GRPEL2: variants seen among roughly 807,000 people sequenced by gnomAD.
GRPEL2 encodes the protein grpE protein homolog 2, mitochondrial.
GRPEL2 carries 18 observed loss-of-function variants against 25.9 expected under a neutral mutation model. The ratio of observed to expected loss-of-function variants is 0.70; its 90% CI spans 0.48 to 1.03. The LOEUF is 1.03. GRPEL2 is among the 50% of genes least tolerant of loss of function. The pLI is 0.00. For synonymous variants in GRPEL2, 106 were observed against 107.9 expected (o/e 0.98, Z 0.11); for missense variants, 247 against 276.2 (o/e 0.89, Z 0.75).
In GRPEL2 at chr5:149,354,278, A is replaced by G. The variant is rs538064719; in HGVS notation, c.*2996A>G. Reference sequence around the variant, plus strand: ...TATAGTGAAAAGACATTGACTTGAGATGATACTAAGGAAGCTTTGGCTCAC... The same window carrying G: ...TATAGTGAAAAGACATTGACTTGAGGTGATACTAAGGAAGCTTTGGCTCAC... On this transcript the variant is annotated 3_prime_UTR_variant, in exon 4 of 4. Transcript: ENST00000329271. 9.2e-5 allele frequency: 14 copies of G among 152,302 alleles called. No individual in the cohort carries two copies. The highest frequency in any genetic ancestry group is 3.4e-4 in the African/African-American group (14 of 41,554). 9.4% of individuals were successfully genotyped at this position (152,302 alleles called of 1,614,324 possible). A position where few individuals can be genotyped will look rare whatever the true frequency, so the allele number is the denominator to read the frequency against.
chr5:149,349,152 T>C (rs1220457421), intron 2 of GRPEL2, among the ~76,000 whole-genome samples: 1 of 152,162 alleles, frequency 6.6e-6, no homozygotes, highest in Non-Finnish European at 1.5e-5. Context: ...CCTGACACCA[T>C]GCCAGGCTGA....
chr5:149,354,122 A>C lies in GRPEL2; in HGVS notation c.*2840A>C, dbSNP rs965614168. ...GATGAGTAGAAAAAACTTGTAAGCT[A>C]ATCATTCACTGACTTATTTTCCTTC... On this transcript the variant is annotated 3_prime_UTR_variant, in exon 4 of 4. Coordinates refer to ENST00000329271, the MANE Select transcript of GRPEL2 (RefSeq NM_152407.4). 6.6e-6 allele frequency: 1 copy of C among 152,228 alleles called. No homozygotes were observed. Among genetic ancestry groups the C allele is most frequent in the South Asian group, 2.1e-4 (1 of 4,830 alleles). The allele number at this position is 152,228 out of a possible 1,614,324, so 9.4% of individuals were successfully genotyped here. A position where few individuals can be genotyped will look rare whatever the true frequency, so the allele number is the denominator to read the frequency against.
In GRPEL2 at chr5:149,352,738, C is replaced by T. The variant is rs559591418; in HGVS notation, c.*1456C>T. On this transcript the variant is annotated 3_prime_UTR_variant, in exon 4 of 4. Coordinates refer to ENST00000329271, the MANE Select transcript of GRPEL2 (RefSeq NM_152407.4). ...AGAGGCCTTAATGATCAAATCTCAC[C>T]CTTTCTGCTTCTGAAGTATGAAAAT... 1 of 152,144 alleles carries T rather than the reference C, an allele frequency of 6.6e-6. No homozygotes were observed. The highest frequency in any genetic ancestry group is 2.1e-4 in the South Asian group (1 of 4,808). 9.4% of individuals were successfully genotyped at this position (152,144 alleles called of 1,614,324 possible). A position where few individuals can be genotyped will look rare whatever the true frequency, so the allele number is the denominator to read the frequency against.
At chr5:149,347,992 C>T (rs1425754429) in intron 1 of GRPEL2, 4 of 273,058 alleles carry the variant, frequency 1.5e-5, no homozygotes, top group African/African-American at 8.8e-5. Context: ...TGATCTTGAG[C>T]AGGCCATTAT....
chr5:149,346,168 A>G (rs1311053019), intron 1 of GRPEL2, among the ~76,000 whole-genome samples: 2 of 152,240 alleles, frequency 1.3e-5, no homozygotes, highest in Non-Finnish European at 2.9e-5. Flanking sequence ...TTAGTAGTTA[A>G]GGAAAGTGAG....
At chr5:149,348,551 C>T in intron 2 of GRPEL2, 126 bp downstream of exon 2, 1 of 701,380 alleles carries the variant, frequency 1.4e-6, no homozygotes, top group Admixed American at 3.3e-5. Context: ...CCCCTCATCC[C>T]TCCTCCACTC....
At position 149,353,960 on chromosome 5, in the gene GRPEL2, G is replaced by A. The variant is rs547800593; in HGVS notation, c.*2678G>A. On this transcript the variant is annotated 3_prime_UTR_variant, in exon 4 of 4. Transcript: ENST00000329271. ...TATAATAATTCTTTCACAGCGTTGT[G>A]AGGATTAAGTGAAATGTGTTAAATG... 3 of 152,314 alleles carry A rather than the reference G, an allele frequency of 2.0e-5. No homozygotes were observed. In the South Asian group the frequency reaches 6.2e-4, roughly 32 times the overall value. The allele number at this position is 152,314 out of a possible 1,614,324, so 9.4% of individuals were successfully genotyped here.
chr5:149,348,200 T>G, intron 1 of GRPEL2, 72 bp from the exon 2 acceptor site: 1 of 1,345,270 alleles, frequency 7.4e-7, no homozygotes, highest in Non-Finnish European at 1.0e-6. Flanking sequence ...AGATCTCTGG[T>G]CTCTAAACTT....
chr5:149,345,648 G>A (rs1158393673), intron 1 of GRPEL2, 32 bp downstream of exon 1: 3 of 1,545,960 alleles, frequency 1.9e-6, no homozygotes, highest in Non-Finnish European at 2.6e-6. Context: ...TCGGGAGCGT[G>A]AGGACTCTGA....
rs1430954358 is a variant in GRPEL2, at chr5:149,346,938, C to T, written c.77+1322C>T. Among the ~76,000 whole-genome samples, 4 of 151,704 alleles carry T rather than the reference C, an allele frequency of 2.6e-5. No homozygotes were observed. The East Asian group carries it at 7.8e-4, about 29-fold the overall frequency. On this transcript the variant is annotated intron_variant, in intron 1 of 3. Coordinates refer to ENST00000329271, the MANE Select transcript of GRPEL2 (RefSeq NM_152407.4). Reference sequence around the variant, plus strand: ...ATTTTTAGTAGAGACGGGGTTTCACCGTGGTCTCGATCTCCTGACCTCGTG... The same window carrying T: ...ATTTTTAGTAGAGACGGGGTTTCACTGTGGTCTCGATCTCCTGACCTCGTG...
chr5:149,351,547 A>T lies in GRPEL2; in HGVS notation c.*265A>T. The T allele has an allele frequency of 3.1e-6, 1 of 326,010 alleles. No individual in the cohort carries two copies. Among genetic ancestry groups the T allele is most frequent in the Non-Finnish European group, 5.7e-6 (1 of 176,288 alleles). The allele number at this position is 326,010 out of a possible 1,614,324, so 20.2% of individuals were successfully genotyped here. Reference sequence around the variant, plus strand: ...TGTTTAGGAAAATTGGTACTGTGATAAATTTGAATCCAAAATCCTTTTAAC... The same window carrying T: ...TGTTTAGGAAAATTGGTACTGTGATTAATTTGAATCCAAAATCCTTTTAAC... On this transcript the variant is annotated 3_prime_UTR_variant, in exon 4 of 4. Coordinates refer to ENST00000329271, the MANE Select transcript of GRPEL2 (RefSeq NM_152407.4).
Position 149,351,096 on chromosome 5 carries a change from G to A in GRPEL2, c.492G>A (p.Glu164=). ...LKSVFAKHGL[E]KLTPIGDKYD... is the part of the protein sequence containing the mutation. The stretch of plus-strand genomic sequence containing the variant: ...GTGTGTTTGCCAAGCATGGCCTGGA[G>A]AAACTGACACCCATTGGTGACAAAT... Residue 164 remains glutamate, a synonymous_variant, in exon 4 of 4, where the codon GAG becomes GAA. Transcript: ENST00000329271. The A allele has an allele frequency of 6.2e-7, 1 of 1,614,208 alleles. No homozygotes were observed. Among genetic ancestry groups the A allele is most frequent in the South Asian group, 1.1e-5 (1 of 91,092 alleles).
chr5:149,345,575 G>C lies in GRPEL2; in HGVS notation c.36G>C (p.Arg12=). The C allele has an allele frequency of 1.2e-6, 2 of 1,612,168 alleles. No homozygotes were observed. Among genetic ancestry groups the C allele is most frequent in the Non-Finnish European group, 1.7e-6 (2 of 1,179,386 alleles). Residue 12 remains arginine (R), a synonymous_variant, in exon 1 of 4, where the codon CGG becomes CGC. Coordinates refer to ENST00000329271, the MANE Select transcript of GRPEL2 (RefSeq NM_152407.4). ...AVRSLWAGRL[R]VQRLLAWSAA... is the part of the protein sequence containing the mutation. ...GGTCGCTGTGGGCGGGCCGGCTGCG[G>C]GTGCAGCGCCTACTGGCCTGGAGTG...
chr5:149,345,549 C>A lies in GRPEL2; in HGVS notation c.10C>A (p.Arg4=), dbSNP rs773154773. ...AGCCCAAATTGGAAACATGGCCGTA[C>A]GGTCGCTGTGGGCGGGCCGGCTGCG... is the stretch of plus-strand genomic sequence containing the variant. MAV[R]SLWAGRLRVQ... The change falls in exon 1 of 4, where the codon CGG becomes AGG. Residue 4 remains arginine (R), a synonymous_variant. Coordinates refer to ENST00000329271, the MANE Select transcript of GRPEL2 (RefSeq NM_152407.4). 2.5e-6 allele frequency: 4 copies of A among 1,611,424 alleles called. No individual in the cohort carries two copies. In the South Asian group the frequency reaches 3.3e-5, roughly 13 times the overall value.
intron 3 of GRPEL2, 61 bp from the exon 4 acceptor site, chr5:149,350,857 T>C: frequency 6.4e-7 from 1 of 1,572,738 alleles, no homozygotes; most frequent in Non-Finnish European, 8.6e-7. Context: ...TTACCCAAAC[T>C]CTATGCCCAC....
chr5:149,347,789 C>T (rs1340025577), intron 1 of GRPEL2, among the ~76,000 whole-genome samples: 4 of 152,144 alleles, frequency 2.6e-5, no homozygotes, highest in Non-Finnish European at 4.4e-5. Flanking sequence ...CTTTACTGGA[C>T]TTAATTTCCC....
In GRPEL2 at chr5:149,351,495, G is replaced by C. The variant is rs1757775472; in HGVS notation, c.*213G>C. 1 of 497,686 alleles carries C rather than the reference G, an allele frequency of 2.0e-6. No homozygotes were observed. The highest frequency in any genetic ancestry group is 1.9e-5 in the African/African-American group (1 of 52,292). The allele number at this position is 497,686 out of a possible 1,614,324, so 30.8% of individuals were successfully genotyped here. ...CATTGGGCATTTGAACAGTGTGACAGGTGTTCCAATGGCCTTTATCAAAAC... is the reference window on the plus strand; with the variant it reads ...CATTGGGCATTTGAACAGTGTGACACGTGTTCCAATGGCCTTTATCAAAAC... On this transcript the variant is annotated 3_prime_UTR_variant, in exon 4 of 4. Transcript: ENST00000329271.
chr5:149,351,589 CAT>C lies in GRPEL2; in HGVS notation c.*308_*309del. 4.1e-6 allele frequency: 1 copy of C among 242,144 alleles called. No homozygotes were observed. The allele number at this position is 242,144 out of a possible 1,614,324, so 15.0% of individuals were successfully genotyped here. ...CCTTTTAACTATGGGTTTTCAACTA[CAT>C]GTTTCTTCCTAGCGGTCTCTATAAC... On this transcript the variant is annotated 3_prime_UTR_variant, in exon 4 of 4. Coordinates refer to ENST00000329271, the MANE Select transcript of GRPEL2 (RefSeq NM_152407.4).
chr5:149,353,396 C>T lies in GRPEL2; in HGVS notation c.*2114C>T, dbSNP rs554279148. The T allele has an allele frequency of 1.6e-3, 239 of 152,016 alleles. No individual in the cohort carries two copies. The highest frequency in any genetic ancestry group is 5.2e-3 in the African/African-American group (216 of 41,444). The allele number at this position is 152,016 out of a possible 1,614,324, so 9.4% of individuals were successfully genotyped here. ...TTTTTTTATTGCTAGCTATCATTAC[C>T]AGTTAGAATTAACATTAATTACAAT... is the stretch of plus-strand genomic sequence containing the variant. On this transcript the variant is annotated 3_prime_UTR_variant, in exon 4 of 4. Transcript: ENST00000329271.
Sources: allele counts gnomAD v4.1 joint callset (sites outside exome capture counted in the v4.1 genomes callset), GRCh38; gene constraint gnomAD v4.1.1; transcripts MANE v1.5; gene names NCBI Gene and HGNC (gene_info 2026-07-23, HGNC 2026-07-21).